LAMB4: variants seen among roughly 807,000 people sequenced by gnomAD.
The protein encoded by LAMB4 is laminin subunit beta 4, also known as laminin subunit beta-4.
A neutral mutation model predicts 199.2 loss-of-function variants in LAMB4; 196 were observed. The observed-to-expected ratio is 0.98, with a 90% CI of 0.88 to 1.11. The LOEUF (loss-of-function observed/expected upper bound fraction) is 1.11. Among genes scored for constraint, LAMB4 ranks in the 50% least tolerant of loss-of-function variants. The probability of loss-of-function intolerance (pLI) is 0.00; values close to 1 mark genes in which losing one functional copy is unlikely to be tolerated. For missense variants in LAMB4, 2,080 were observed against 2,171.2 expected, an observed-to-expected ratio of 0.96 and a Z score of 0.83; for synonymous variants, 744 against 770.6, an observed-to-expected ratio of 0.97 and a Z score of 0.57.
chr7:108,024,007 C>A lies in LAMB4; in HGVS notation c.*32G>T, dbSNP rs566580810. 52 of 1,568,668 alleles carry A rather than the reference C, an allele frequency of 3.3e-5. 1 individual carries two copies. The highest frequency in any genetic ancestry group is 1.7e-4 in the Middle Eastern group (1 of 5,862). On this transcript the variant is annotated 3_prime_UTR_variant, in exon 34 of 34. Transcript: ENST00000388781. ...GGGCTTGTACATCAGAAACCAGAAA[C>A]AAAGGCACAAGCTTTTGCTCTTTAA...
intron 23 of LAMB4, among the ~76,000 whole-genome samples, chr7:108,060,940 A>G (rs1462496235): frequency 6.6e-6 from 1 of 152,182 alleles, no homozygotes; most frequent in African/African-American, 2.4e-5. Flanking sequence ...GAAAAAGAGT[A>G]ACTTGATGAT....
chr7:108,111,192 G>A (rs1379565107), intron 4 of LAMB4, among the ~76,000 whole-genome samples: 1 of 152,174 alleles, frequency 6.6e-6, no homozygotes, highest in Non-Finnish European at 1.5e-5. Context: ...CATGGCTGGG[G>A]GTGGGACATG....
chr7:108,015,032 A>AAATCTCAGTTTTAAAAAGGAAATCTCAG, the LAMB4 span, among the ~76,000 whole-genome samples: 130 of 152,322 alleles, frequency 8.5e-4, no homozygotes, highest in Non-Finnish European at 1.3e-3. Flanking sequence ...TAGAACTGAG[A>AAATCTCAGTTTTAAAAAGGAAATCTCAG]TTTTAAAAAG....
At chr7:108,029,713 A>G (rs777866062) in intron 32 of LAMB4, among the ~76,000 whole-genome samples, 20 of 152,226 alleles carry the variant, frequency 1.3e-4, no homozygotes, top group South Asian at 4.1e-4. Context: ...TCCCCCTTGA[A>G]TAGAATGGAA....
chr7:108,080,154 C>T (rs965190654), intron 14 of LAMB4, among the ~76,000 whole-genome samples: 1 of 152,118 alleles, frequency 6.6e-6, no homozygotes, highest in Admixed American at 6.5e-5. Context: ...ATTCCCATGC[C>T]CACTTTACAG....
chr7:108,104,714 C>A, intron 8 of LAMB4, 95 bp from the exon 9 acceptor site: 2 of 1,335,998 alleles, frequency 1.5e-6, no homozygotes, highest in Non-Finnish European at 2.0e-6. Flanking sequence ...GTCCTGGTAC[C>A]TCTCTGATCC....
chr7:108,068,063 T>C lies in LAMB4; in HGVS notation c.2399A>G (p.Asp800Gly). 6.2e-7 allele frequency: 1 copy of C among 1,614,156 alleles called. No individual in the cohort carries two copies. Among genetic ancestry groups the C allele is most frequent in the East Asian group, 2.2e-5 (1 of 44,880 alleles). Reference protein sequence around the residue: ...CKPLVVGRCCDRCSTGSYDLG... With the variant: ...CKPLVVGRCCGRCSTGSYDLG... ...ATCATAGCTTCCAGTTGAGCACCTG[T>C]CACAGCAGCGCCCGACCACAAGAGG... is the stretch of plus-strand genomic sequence containing the variant. Residue 800 changes from aspartate (D) to glycine (G), a missense_variant, in exon 19 of 34, where the codon GAC becomes GGC. Transcript: ENST00000388781.
At chr7:108,092,525 G>A in intron 12 of LAMB4, 109 bp from the exon 13 acceptor site, 1 of 800,540 alleles carries the variant, frequency 1.2e-6, no homozygotes, top group South Asian at 1.5e-5. Context: ...TAGCCAAACA[G>A]CCTGCACCAT....
At chr7:108,024,610 AG>A (rs2034768746) in intron 33 of LAMB4, among the ~76,000 whole-genome samples, 1 of 152,186 alleles carries the variant, frequency 6.6e-6, no homozygotes, top group Non-Finnish European at 1.5e-5. Flanking sequence ...CTGATATTGA[AG>A]TCCCTGAACA....
chr7:108,042,212 C>G (rs2035444151), intron 29 of LAMB4, among the ~76,000 whole-genome samples: 1 of 152,230 alleles, frequency 6.6e-6, no homozygotes, highest in South Asian at 2.1e-4. Flanking sequence ...TCTAGGGACA[C>G]TGAGCAGTAA....
chr7:108,117,338 G>C (rs935007475), intron 2 of LAMB4, among the ~76,000 whole-genome samples: 1 of 152,090 alleles, frequency 6.6e-6, no homozygotes, highest in African/African-American at 2.4e-5. Flanking sequence ...ACATCTATAC[G>C]GGCATGAGGG....
Position 108,068,035 on chromosome 7 carries a change from C to T in LAMB4, c.2427G>A (p.Leu809=), listed in dbSNP as rs143814627. 1 of 1,614,020 alleles carries T rather than the reference C, an allele frequency of 6.2e-7. No individual in the cohort carries two copies. The highest frequency in any genetic ancestry group is 1.7e-5 in the Admixed American group (1 of 59,998). Residue 809 remains leucine, a synonymous_variant, in exon 19 of 34, where the codon TTG becomes TTA. Coordinates refer to ENST00000388781, the MANE Select transcript of LAMB4 (RefSeq NM_007356.3). ...ACGTACGGTGACAGCCGTGATGCCC[C>T]AAATCATAGCTTCCAGTTGAGCACC... ...CDRCSTGSYD[L]GHHGCHPCHC...
chr7:108,056,997 G>C (rs1462909885), intron 24 of LAMB4, among the ~76,000 whole-genome samples: 5 of 147,420 alleles, frequency 3.4e-5, no homozygotes, highest in Non-Finnish European at 6.0e-5. Context: ...AAAAGCATTT[G>C]TCAGTTTATG....
At chr7:108,022,978 A>AT (rs902148311), downstream of LAMB4, among the ~76,000 whole-genome samples, 6 of 151,690 alleles carry the variant, frequency 4.0e-5, no homozygotes, top group African/African-American at 1.5e-4. Context: ...TGCCCAGCTG[A>AT]TTTTTTTGTA....
At chr7:108,035,080 T>A (rs2150494395) in intron 30 of LAMB4, among the ~76,000 whole-genome samples, 1 of 152,272 alleles carries the variant, frequency 6.6e-6, no homozygotes, top group South Asian at 2.1e-4. Context: ...TTTCCTCCAA[T>A]GGTAATCTCT....
intron 9 of LAMB4, among the ~76,000 whole-genome samples, chr7:108,104,127 A>G (rs1411450372): frequency 2.0e-5 from 3 of 152,118 alleles, no homozygotes; most frequent in Non-Finnish European, 1.5e-5. Context: ...GGTCACGTTC[A>G]TGGAATGTAT....
At chr7:108,021,305 T>C (rs1477473492), downstream of LAMB4, among the ~76,000 whole-genome samples, 1 of 152,190 alleles carries the variant, frequency 6.6e-6, no homozygotes, top group East Asian at 1.9e-4. Flanking sequence ...CTGGATGCAC[T>C]TGGTGAGTGA....
intron 17 of LAMB4, among the ~76,000 whole-genome samples, chr7:108,071,556 G>C (rs568072354): frequency 3.9e-5 from 6 of 152,298 alleles, no homozygotes; most frequent in African/African-American, 1.4e-4. Context: ...GCTTACTCTT[G>C]GTAGACAATG....
intron 16 of LAMB4, 78 bp downstream of exon 16, chr7:108,078,123 G>A (rs1389064745): frequency 8.6e-6 from 8 of 925,338 alleles, no homozygotes; most frequent in Non-Finnish European, 1.4e-5. Context: ...TCTCCACTTA[G>A]TTCCCAGAAA....
Sources: allele counts gnomAD v4.1 joint callset (sites outside exome capture counted in the v4.1 genomes callset), GRCh38; gene constraint gnomAD v4.1.1; transcripts MANE v1.5; gene names NCBI Gene and HGNC (gene_info 2026-07-23, HGNC 2026-07-21).